SGCZ: variants seen among roughly 807,000 people sequenced by gnomAD.
SGCZ encodes zeta-sarcoglycan.
SGCZ carries 40 observed loss-of-function variants against 41.3 expected under a neutral mutation model. The ratio of observed to expected loss-of-function variants is 0.97; its 90% confidence interval spans 0.75 to 1.26. The LOEUF is 1.26. SGCZ is among the 50% of genes most tolerant of loss of function. The probability of loss-of-function intolerance (pLI) is 0.00; values close to 1 mark genes in which losing one functional copy is unlikely to be tolerated. For missense variants in SGCZ, 552 were observed against 369.8 expected, an observed-to-expected ratio of 1.49 and a Z score of -4.04; for synonymous variants, 206 against 137.5, an observed-to-expected ratio of 1.50 and a Z score of -3.49.
intron 4 of SGCZ, among the ~76,000 whole-genome samples, chr8:14,205,075 C>G (rs1176229050): frequency 6.6e-6 from 1 of 152,160 alleles, no homozygotes; most frequent in Non-Finnish European, 1.5e-5. Context: ...TATTGGTTTT[C>G]TCTCTGGAGA....
intron 1 of SGCZ, among the ~76,000 whole-genome samples, chr8:14,578,021 G>C (rs144214518): frequency 0.017 from 2,597 of 152,226 alleles, 27 homozygotes; most frequent in Middle Eastern, 0.027. Flanking sequence ...CAAAGGGCCA[G>C]GAAAAATGAC....
At chr8:14,815,618 T>C (rs904823595) in intron 1 of SGCZ, among the ~76,000 whole-genome samples, 3 of 152,200 alleles carry the variant, frequency 2.0e-5, no homozygotes, top group African/African-American at 4.8e-5. Context: ...AGAGTATGTA[T>C]AGAAATATGC....
intron 2 of SGCZ, among the ~76,000 whole-genome samples, chr8:14,468,901 C>T (rs1801129405): frequency 6.6e-6 from 1 of 152,040 alleles, no homozygotes; most frequent in African/African-American, 2.4e-5. Context: ...TTATGCTTAA[C>T]ATGTATTAGG....
intron 1 of SGCZ, among the ~76,000 whole-genome samples, chr8:14,942,225 C>A (rs1249929424): frequency 2.6e-5 from 4 of 152,060 alleles, no homozygotes; most frequent in Non-Finnish European, 5.9e-5. Context: ...CATGGAAGAG[C>A]TCATGTTCAA....
At chr8:14,235,236 C>T (rs1806715131) in intron 4 of SGCZ, among the ~76,000 whole-genome samples, 3 of 152,164 alleles carry the variant, frequency 2.0e-5, no homozygotes, top group Non-Finnish European at 4.4e-5. Context: ...TTTCACACAG[C>T]CCTAGTCTTC....
At chr8:14,839,628 C>T (rs988753090) in intron 1 of SGCZ, among the ~76,000 whole-genome samples, 2 of 152,132 alleles carry the variant, frequency 1.3e-5, no homozygotes, top group East Asian at 1.9e-4. Context: ...AAGTCTTGAA[C>T]GCTCTTCCTC....
At chr8:14,936,581 T>G (rs569712661) in intron 1 of SGCZ, among the ~76,000 whole-genome samples, 3 of 151,900 alleles carry the variant, frequency 2.0e-5, no homozygotes, top group Non-Finnish European at 4.4e-5. Context: ...GTAAGTTTCA[T>G]AAGTCAGGGA....
chr8:14,149,645 T>A (rs1415499447), intron 5 of SGCZ, among the ~76,000 whole-genome samples: 1 of 101,558 alleles, frequency 9.8e-6, no homozygotes, highest in African/African-American at 3.7e-5. Flanking sequence ...TACCAGTGAC[T>A]TTCTTCATAG....
rs73665402 is a variant in SGCZ, at chr8:15,193,238, G to C, written c.39+44347C>G. Among the ~76,000 whole-genome samples the C allele has an allele frequency of 4.3e-3, 649 of 152,156 alleles. 4 individuals carry two copies. Among genetic ancestry groups the C allele is most frequent in the African/African-American group, 0.015 (627 of 41,472 alleles). On this transcript the variant is annotated intron_variant, in intron 1 of 7. Transcript: ENST00000382080. ...TAGCATTCACCAAAGACATTTGGTA[G>C]AAGACTATAATTATCAAAAATATGG...
In SGCZ at chr8:15,045,685, G is replaced by A. The variant is rs768326764; in HGVS notation, c.39+191900C>T. Among the ~76,000 whole-genome samples the A allele has an allele frequency of 2.0e-5, 3 of 152,070 alleles. No individual in the cohort carries two copies. In the East Asian group the frequency reaches 5.8e-4, roughly 29 times the overall value. On this transcript the variant is annotated intron_variant, in intron 1 of 7. Coordinates refer to ENST00000382080, the MANE Select transcript of SGCZ (RefSeq NM_139167.4). ...TATGATGGCACTGATATGCATCCCC[G>A]TGTTCTGCTACACTGACAAAACAGA...
intron 1 of SGCZ, among the ~76,000 whole-genome samples, chr8:14,583,436 T>G (rs2117265355): frequency 6.6e-6 from 1 of 152,278 alleles, no homozygotes; most frequent in Non-Finnish European, 1.5e-5. Context: ...TTGCGAAACT[T>G]TTCTCCCATT....
chr8:14,662,454 C>T (rs1807785937), intron 1 of SGCZ, among the ~76,000 whole-genome samples: 4 of 152,034 alleles, frequency 2.6e-5, no homozygotes, highest in Non-Finnish European at 5.9e-5. Context: ...TAATCTCTTC[C>T]CCATTTGTGT....
chr8:14,395,379 T>C (rs1475619002), intron 2 of SGCZ, among the ~76,000 whole-genome samples: 1 of 152,056 alleles, frequency 6.6e-6, no homozygotes, highest in Non-Finnish European at 1.5e-5. Flanking sequence ...AGAAAAAACA[T>C]GACATAGGAA....
intron 1 of SGCZ, among the ~76,000 whole-genome samples, chr8:15,108,066 A>C (rs1806898461): frequency 6.6e-6 from 1 of 152,154 alleles, no homozygotes; most frequent in African/African-American, 2.4e-5. Flanking sequence ...CCCTCCCCTC[A>C]AGGAAATAGG....
chr8:14,393,980 G>A (rs1804883207), intron 2 of SGCZ, among the ~76,000 whole-genome samples: 1 of 151,928 alleles, frequency 6.6e-6, no homozygotes, highest in Non-Finnish European at 1.5e-5. Flanking sequence ...GCTTTGATAT[G>A]TGTACTTTAA....
intron 1 of SGCZ, among the ~76,000 whole-genome samples, chr8:14,626,659 G>A (rs909822488): frequency 6.6e-6 from 1 of 152,046 alleles, no homozygotes; most frequent in Admixed American, 6.6e-5. Flanking sequence ...AAGACACAGG[G>A]AAAATATCAT....
chr8:14,511,200 A>T (rs1245780218), intron 2 of SGCZ, among the ~76,000 whole-genome samples: 1 of 97,870 alleles, frequency 1.0e-5, no homozygotes, highest in Non-Finnish European at 2.0e-5. Flanking sequence ...TAAAACTACG[A>T]ATTTTCTTTC....
chr8:14,572,890 T>C (rs1026491355), intron 1 of SGCZ, among the ~76,000 whole-genome samples: 1 of 152,226 alleles, frequency 6.6e-6, no homozygotes, highest in Non-Finnish European at 1.5e-5. Context: ...GTTTCTGTTT[T>C]CTTAACCATG....
At chr8:14,305,735 A>G (rs1427020) in intron 3 of SGCZ, among the ~76,000 whole-genome samples, 34,709 of 152,120 alleles carry the variant, frequency 0.23, 4,660 homozygotes, top group South Asian at 0.43. Flanking sequence ...TGACTTTACT[A>G]TTCCTCCAGT....
Sources: gnomAD v4.1 joint callset for allele counts (sites outside exome capture counted in the v4.1 genomes callset) on GRCh38, gnomAD v4.1.1 for gene constraint, MANE v1.5 for transcripts, NCBI Gene and HGNC (gene_info 2026-07-23, HGNC 2026-07-21) for gene names.